The following DPP8 variants were observed in gnomAD, a reference collection of about 807,000 sequenced individuals.
The protein encoded by DPP8 is DPP VIII.
A neutral mutation model predicts 107.5 loss-of-function variants in DPP8; 31 were observed. The observed-to-expected ratio is 0.29, with a 90% CI of 0.22 to 0.39. The LOEUF (loss-of-function observed/expected upper bound fraction) is 0.39. DPP8 is among the 10% of genes least tolerant of loss of function. The pLI is 1.00. For synonymous variants in DPP8, 381 were observed against 356.6 expected (o/e 1.07, Z -0.77); for missense variants, 842 against 1,076.1 (o/e 0.78, Z 3.04).
At chr15:65,515,572 A>AG in intron 1 of DPP8, 1 of 1,173,632 alleles carries the variant, frequency 8.5e-7, no homozygotes, top group Non-Finnish European at 1.2e-6. Context: ...ATAGGAAAAT[A>AG]GGGTCAGTGT....
intron 7 of DPP8, among the ~76,000 whole-genome samples, chr15:65,485,859 C>CTCG (rs1334951470): frequency 3.5e-5 from 5 of 144,600 alleles, no homozygotes; most frequent in Admixed American, 2.7e-4. Flanking sequence ...TTTGGGAGGC[C>CTCG]GAGGCAGGTG....
At chr15:65,515,462 A>T (rs1279238707) in intron 1 of DPP8, among the ~76,000 whole-genome samples, 6 of 152,186 alleles carry the variant, frequency 3.9e-5, no homozygotes, top group African/African-American at 1.4e-4. Context: ...GATATTATAT[A>T]ATATTGGTAA....
intron 19 of DPP8, among the ~76,000 whole-genome samples, chr15:65,448,690 A>T (rs868307247): frequency 0.35 from 38,700 of 111,798 alleles, 7,078 homozygotes; most frequent in African/African-American, 0.39. Context: ...AAAAAAAAAA[A>T]ATATATATAT....
At chr15:65,494,678 G>A (rs918681407) in intron 5 of DPP8, among the ~76,000 whole-genome samples, 7 of 120,254 alleles carry the variant, frequency 5.8e-5, no homozygotes, top group Non-Finnish European at 1.2e-4. Flanking sequence ...TGAAAAAATC[G>A]CTAGGATTTC....
chr15:65,455,851 G>A (rs2140376049), intron 16 of DPP8: 4 of 1,295,044 alleles, frequency 3.1e-6, no homozygotes, highest in Non-Finnish European at 4.0e-6. Context: ...CCTGTAGAGA[G>A]AAAGAGGCTT....
At chr15:65,461,916 T>A (rs76652957) in intron 15 of DPP8, among the ~76,000 whole-genome samples, 4,036 of 151,678 alleles carry the variant, frequency 0.027, 100 homozygotes, top group Middle Eastern at 0.048. Flanking sequence ...TTTTTTTTTT[T>A]AAAGTTTACA....
chr15:65,478,868 T>C lies in DPP8; in HGVS notation c.1456+12A>G. The C allele has an allele frequency of 1.3e-6, 2 of 1,548,118 alleles. No homozygotes were observed. Among genetic ancestry groups the C allele is most frequent in the Non-Finnish European group, 1.7e-6 (2 of 1,152,436 alleles). On this transcript the variant is annotated intron_variant, in intron 11 of 19. Coordinates refer to ENST00000300141, the MANE Select transcript of DPP8 (RefSeq NM_130434.5). ...CATTTTTTCTTTTTTTAAAATAAAA[T>C]GGATTTCTTACTTGGAGCAGGCAGC...
intron 3 of DPP8, among the ~76,000 whole-genome samples, chr15:65,506,700 A>G (rs930082592): frequency 6.7e-6 from 1 of 148,958 alleles, no homozygotes; most frequent in Non-Finnish European, 1.5e-5. Context: ...ATCTGTTTAT[A>G]TATTATACAT....
chr15:65,504,217 T>C (rs1191510109), intron 3 of DPP8, among the ~76,000 whole-genome samples: 1 of 151,736 alleles, frequency 6.6e-6, no homozygotes, highest in African/African-American at 2.4e-5. Context: ...TACAAAATCA[T>C]CCGGGTGTGG....
intron 11 of DPP8, among the ~76,000 whole-genome samples, chr15:65,476,710 G>T (rs754994207): frequency 6.6e-6 from 1 of 152,142 alleles, no homozygotes; most frequent in African/African-American, 2.4e-5. Context: ...CAAAAGAATT[G>T]AAAGCAGGGA....
intron 5 of DPP8, among the ~76,000 whole-genome samples, chr15:65,493,381 C>G (rs1442109291): frequency 6.6e-6 from 1 of 152,130 alleles, no homozygotes; most frequent in Non-Finnish European, 1.5e-5. Flanking sequence ...CGTGCCCGGC[C>G]AAGATTTTTC....
chr15:65,474,071 T>A, intron 12 of DPP8, 138 bp downstream of exon 12: 2 of 654,528 alleles, frequency 3.1e-6, no homozygotes, highest in Non-Finnish European at 5.4e-6. Context: ...CCCATTGCAC[T>A]CCAGCCCTAG....
In DPP8 at chr15:65,467,198, A is replaced by C; in HGVS notation, c.1562T>G (p.Leu521Arg). ...SNIQVDEVRRLVYFEGTKDSP... is the reference protein window; with the variant it reads ...SNIQVDEVRRRVYFEGTKDSP... ...GTCTTTGGTGCCTTCAAAATATACC[A>C]GCCTTCTGACTTCATCAACTTGGAT... The change falls in exon 13 of 20, where the codon CTG becomes CGG. Residue 521 changes from leucine (L) to arginine (R), a missense_variant. Leu to Arg is a moderately radical substitution (Grantham distance 102, BLOSUM62 -2). Coordinates refer to ENST00000300141, the MANE Select transcript of DPP8 (RefSeq NM_130434.5). 1.2e-6 allele frequency: 2 copies of C among 1,614,188 alleles called. No individual in the cohort carries two copies. The highest frequency in any genetic ancestry group is 1.1e-5 in the South Asian group (1 of 91,076).
At chr15:65,510,100 G>A (rs536065859) in intron 2 of DPP8, among the ~76,000 whole-genome samples, 3 of 152,174 alleles carry the variant, frequency 2.0e-5, no homozygotes, top group African/African-American at 4.8e-5. Flanking sequence ...GATTGCTGGA[G>A]CTCAGGAGTT....
At chr15:65,493,045 A>C (rs1395411942) in intron 5 of DPP8, among the ~76,000 whole-genome samples, 4 of 151,958 alleles carry the variant, frequency 2.6e-5, no homozygotes, top group Non-Finnish European at 5.9e-5. Context: ...AATTTGGGAG[A>C]GCTCTTTTCT....
chr15:65,500,156 T>C (rs1341059024), intron 4 of DPP8, among the ~76,000 whole-genome samples: 6 of 152,144 alleles, frequency 3.9e-5, no homozygotes, highest in South Asian at 4.2e-4. Context: ...CGGTGGCTCA[T>C]GTCTGTAATC....
chr15:65,461,013 T>A (rs1226221395), intron 15 of DPP8, among the ~76,000 whole-genome samples: 1 of 152,214 alleles, frequency 6.6e-6, no homozygotes, highest in Non-Finnish European at 1.5e-5. Flanking sequence ...CTCTTTTTGA[T>A]AACAGCCAAT....
intron 10 of DPP8, among the ~76,000 whole-genome samples, chr15:65,479,760 C>T (rs1054265800): frequency 1.4e-5 from 2 of 144,666 alleles, no homozygotes; most frequent in Non-Finnish European, 3.0e-5. Context: ...AGGAGAATGG[C>T]GTGAACCCGG....
chr15:65,464,293 G>A (rs796657175), intron 14 of DPP8, among the ~76,000 whole-genome samples: 41 of 152,230 alleles, frequency 2.7e-4, no homozygotes, highest in African/African-American at 9.6e-4. Flanking sequence ...AACCCGGGAG[G>A]TGGAGCTTGC....
Sources: gnomAD v4.1 joint callset for allele counts (sites outside exome capture counted in the v4.1 genomes callset) on GRCh38, gnomAD v4.1.1 for gene constraint, MANE v1.5 for transcripts, NCBI Gene and HGNC (gene_info 2026-07-23, HGNC 2026-07-21) for gene names.